TUSC3: variants seen among roughly 807,000 people sequenced by gnomAD.
The protein encoded by TUSC3 is tumor suppressor candidate 3.
In TUSC3, 45 loss-of-function variants were observed where a neutral mutation model predicts 44.8. The ratio of observed to expected loss-of-function variants is 1.00; its 90% CI spans 0.79 to 1.29. TUSC3 has a LOEUF of 1.29. Ranked by LOEUF, TUSC3 falls within the 50% of genes most tolerant of loss-of-function variation. The probability of loss-of-function intolerance (pLI) is 0.00; values close to 1 mark genes in which losing one functional copy is unlikely to be tolerated. For missense variants in TUSC3, 519 were observed against 437.9 expected, an observed-to-expected ratio of 1.19 and a Z score of -1.65; for synonymous variants, 212 against 152.9, an observed-to-expected ratio of 1.39 and a Z score of -2.85.
Position 15,454,576 on chromosome 8 carries a change from C to G in TUSC3, n.92-28810C>G, listed in dbSNP as rs75461236. Among the ~76,000 whole-genome samples the G allele has an allele frequency of 2.0e-5, 3 of 152,318 alleles. No homozygotes were observed. In the East Asian group the frequency reaches 5.8e-4, roughly 29 times the overall value. ...TATTTGTTTCAATTCTGTCTTCCAT[C>G]AGGAACAGAAGTTTCTCTGGCTAGC... On this transcript the variant is annotated intron_variant and non_coding_transcript_variant, in intron 1 of 5. Transcript: ENST00000503191.
intron 7 of TUSC3, among the ~76,000 whole-genome samples, chr8:15,734,815 C>T (rs1810865080): frequency 6.6e-6 from 1 of 152,064 alleles, no homozygotes; most frequent in Non-Finnish European, 1.5e-5. Context: ...AACAGGTACA[C>T]AATCAAAATG....
At chr8:15,556,685 T>A (rs1292554687) in intron 1 of TUSC3, among the ~76,000 whole-genome samples, 2 of 146,800 alleles carry the variant, frequency 1.4e-5, no homozygotes, top group Admixed American at 6.9e-5. Context: ...GACTTTTTAA[T>A]GATTGCCACT....
At chr8:15,664,648 A>G (rs1342072604) in intron 5 of TUSC3, among the ~76,000 whole-genome samples, 1 of 149,706 alleles carries the variant, frequency 6.7e-6, no homozygotes, top group Admixed American at 6.7e-5. Flanking sequence ...TGAAAACACT[A>G]CACTGATAAT....
intron 9 of TUSC3, among the ~76,000 whole-genome samples, chr8:15,754,105 A>ACAT: frequency 6.6e-6 from 1 of 152,136 alleles, no homozygotes; most frequent in Non-Finnish European, 1.5e-5. Flanking sequence ...AAAACTACTC[A>ACAT]CATCAGATAA....
intron 1 of TUSC3, among the ~76,000 whole-genome samples, chr8:15,607,049 G>T (rs146708626): frequency 1.3e-5 from 2 of 151,880 alleles, no homozygotes; most frequent in Non-Finnish European, 2.9e-5. Context: ...CAGACTACCC[G>T]CAAGTTTCAG....
At chr8:15,701,728 G>A (rs564973933) in intron 6 of TUSC3, among the ~76,000 whole-genome samples, 9 of 152,252 alleles carry the variant, frequency 5.9e-5, no homozygotes, top group African/African-American at 2.2e-4. Context: ...ATGGTTTAAG[G>A]TGGGCTTTTT....
the TUSC3 span, among the ~76,000 whole-genome samples, chr8:15,846,883 A>C: frequency 6.6e-6 from 1 of 151,718 alleles, no homozygotes. Flanking sequence ...ATTTGAAAAA[A>C]AAAAAAACAC....
chr8:15,769,738 C>G (rs904078392), downstream of TUSC3, among the ~76,000 whole-genome samples: 3 of 151,734 alleles, frequency 2.0e-5, no homozygotes, highest in African/African-American at 7.3e-5. Flanking sequence ...AAGAGAAAAC[C>G]CCATCAAAAA....
intron 1 of TUSC3, among the ~76,000 whole-genome samples, chr8:15,616,220 G>A (rs183722584): frequency 1.5e-3 from 235 of 152,248 alleles, no homozygotes; most frequent in Admixed American, 2.7e-3. Flanking sequence ...TGTTTTAGAA[G>A]TTTATAGTGA....
At chr8:15,808,756 T>G in the TUSC3 span, among the ~76,000 whole-genome samples, 1 of 152,138 alleles carries the variant, frequency 6.6e-6, no homozygotes, top group South Asian at 2.1e-4. Context: ...AGCTTTGGCC[T>G]GCTGCCACCC....
intron 6 of TUSC3, among the ~76,000 whole-genome samples, chr8:15,704,296 A>C (rs1447467031): frequency 1.4e-5 from 2 of 142,228 alleles, no homozygotes; most frequent in South Asian, 2.3e-4. Flanking sequence ...AGCCAGTATG[A>C]TTGTAGTAAT....
intron 10 of TUSC3, among the ~76,000 whole-genome samples, chr8:15,760,812 G>A (rs1458327933): frequency 6.6e-6 from 1 of 152,176 alleles, no homozygotes; most frequent in Non-Finnish European, 1.5e-5. Flanking sequence ...GTTTAGCCAT[G>A]CTGAACACAG....
chr8:15,525,863 G>C (rs1801366942), intron 2 of TUSC3, among the ~76,000 whole-genome samples: 1 of 152,074 alleles, frequency 6.6e-6, no homozygotes, highest in Admixed American at 6.5e-5. Context: ...CGTAATGGGG[G>C]AAAAAGTAGT....
chr8:15,700,254 C>G lies in TUSC3; in HGVS notation c.798+26418C>G, dbSNP rs974944902. 7.3e-4 allele frequency among the ~76,000 whole-genome samples: 111 copies of G among 152,278 alleles called. 1 individual carries two copies. Among genetic ancestry groups the G allele is most frequent in the African/African-American group, 2.6e-3 (109 of 41,584 alleles). The stretch of plus-strand genomic sequence containing the variant: ...CACACTTCAAGTCATTTATTTAATT[C>G]AATTCAATGAATAACTACGGTATGC... On this transcript the variant is annotated intron_variant, in intron 6 of 10. Coordinates refer to ENST00000503731, the MANE Select transcript of TUSC3 (RefSeq NM_006765.4).
chr8:15,628,065 A>C (rs1027755597), intron 2 of TUSC3, among the ~76,000 whole-genome samples: 1 of 152,224 alleles, frequency 6.6e-6, no homozygotes, highest in Non-Finnish European at 1.5e-5. Flanking sequence ...CCATTTTGGT[A>C]TATCAGTTCG....
intron 6 of TUSC3, among the ~76,000 whole-genome samples, chr8:15,675,903 G>C (rs1808167356): frequency 6.6e-6 from 1 of 152,144 alleles, no homozygotes; most frequent in Non-Finnish European, 1.5e-5. Flanking sequence ...ACATACAAGT[G>C]TATGTGTCTT....
intron 6 of TUSC3, among the ~76,000 whole-genome samples, chr8:15,681,555 T>TTC (rs1808431591): frequency 2.0e-5 from 1 of 49,408 alleles, no homozygotes; most frequent in Admixed American, 1.6e-4. Flanking sequence ...TTTGGATCTT[T>TTC]TCTCTTTTTT....
intron 1 of TUSC3, among the ~76,000 whole-genome samples, chr8:15,471,525 A>T (rs1201761542): frequency 6.6e-6 from 1 of 152,082 alleles, no homozygotes; most frequent in African/African-American, 2.4e-5. Flanking sequence ...AAATTAACTT[A>T]AATTTTTAGG....
chr8:15,534,144 C>G (rs1801489684), intron 2 of TUSC3, among the ~76,000 whole-genome samples: 1 of 151,928 alleles, frequency 6.6e-6, no homozygotes, highest in Non-Finnish European at 1.5e-5. Flanking sequence ...AGTTTGGGGC[C>G]TCAAGATTTA....
Sources: allele counts gnomAD v4.1 joint callset (sites outside exome capture counted in the v4.1 genomes callset), GRCh38; gene constraint gnomAD v4.1.1; transcripts MANE v1.5; gene names NCBI Gene and HGNC (gene_info 2026-07-23, HGNC 2026-07-21).